CNNM4: variants seen among roughly 807,000 people sequenced by gnomAD.
CNNM4 encodes the protein metal transporter CNNM4.
Under a neutral mutation model 53.7 loss-of-function variants are expected in CNNM4, and 32 were observed. The ratio of observed to expected loss-of-function variants is 0.60; its 90% CI spans 0.45 to 0.80. CNNM4 has a LOEUF of 0.80. Ranked by LOEUF, CNNM4 falls within the 30% of genes least tolerant of loss-of-function variation. The pLI, the probability that CNNM4 is intolerant of heterozygous loss-of-function variation, is 0.00. For missense variants in CNNM4, 784 were observed against 1,022.0 expected (o/e 0.77, Z 3.17); for synonymous variants, 410 against 440.0 (o/e 0.93, Z 0.85).
At chr2:96,772,145 C>T (rs900397144) in intron 1 of CNNM4, among the ~76,000 whole-genome samples, 2 of 151,920 alleles carry the variant, frequency 1.3e-5, no homozygotes, top group African/African-American at 4.8e-5. Flanking sequence ...AGGGCCACTC[C>T]CACACATGTG....
intron 1 of CNNM4, among the ~76,000 whole-genome samples, chr2:96,776,059 C>T (rs544866435): frequency 6.7e-4 from 87 of 130,352 alleles, no homozygotes; most frequent in Admixed American, 1.9e-3. Context: ...GGTGGAGTCT[C>T]GCTCTGTTGC....
chr2:96,762,537 G>C (rs942397021), intron 1 of CNNM4, 136 bp downstream of exon 1: 3 of 863,676 alleles, frequency 3.5e-6, no homozygotes, highest in Non-Finnish European at 5.7e-6. Flanking sequence ...CTATGCTTCT[G>C]AGGTGAACGA....
chr2:96,781,720 T>G (rs1350123979), intron 1 of CNNM4, among the ~76,000 whole-genome samples: 1 of 152,180 alleles, frequency 6.6e-6, no homozygotes, highest in East Asian at 1.9e-4. Context: ...ACCACAGGAT[T>G]GAACCCAATC....
At chr2:96,771,560 A>G (rs2078869876) in intron 1 of CNNM4, among the ~76,000 whole-genome samples, 2 of 151,918 alleles carry the variant, frequency 1.3e-5, no homozygotes, top group Non-Finnish European at 2.9e-5. Flanking sequence ...CAAATACAAA[A>G]AATTTTAGCC....
In CNNM4 at chr2:96,808,465, G is replaced by A; in HGVS notation, c.1949-96G>A. 1.6e-6 allele frequency: 2 copies of A among 1,229,858 alleles called. No homozygotes were observed. Among genetic ancestry groups the A allele is most frequent in the Non-Finnish European group, 2.4e-6 (2 of 844,624 alleles). The allele number at this position is 1,229,858 out of a possible 1,614,324, so 76.2% of individuals were successfully genotyped here. On this transcript the variant is annotated intron_variant, in intron 5 of 6. Coordinates refer to ENST00000377075, the MANE Select transcript of CNNM4 (RefSeq NM_020184.4). This position sits in a 1 kb window ranked among gnomAD's most constrained non-coding sequence, Gnocchi z 4.9. ...AAGAATGACTTCCTGTTCCTGGGTG[G>A]GGTGTCCCTGGGCTTCCATGGGATG...
chr2:96,790,250 C>T (rs553829344), intron 1 of CNNM4, among the ~76,000 whole-genome samples: 3 of 152,066 alleles, frequency 2.0e-5, no homozygotes, highest in South Asian at 2.1e-4. Flanking sequence ...TCGTGATCCA[C>T]GCGCCTCGGT....
chr2:96,792,758 C>G (rs928704622), intron 1 of CNNM4, among the ~76,000 whole-genome samples: 3 of 151,796 alleles, frequency 2.0e-5, no homozygotes, highest in African/African-American at 7.3e-5. Context: ...GAGCTGAGAT[C>G]GCGCCACTGT....
intron 1 of CNNM4, among the ~76,000 whole-genome samples, chr2:96,766,494 A>G (rs1329706811): frequency 2.6e-5 from 4 of 151,464 alleles, no homozygotes; most frequent in Admixed American, 2.6e-4. Flanking sequence ...TTCCCAGGTC[A>G]CCTCTCAGTG....
At chr2:96,799,465 C>T (rs2079138518) in intron 4 of CNNM4, 87 bp from the exon 5 acceptor site, 1 of 1,271,976 alleles carries the variant, frequency 7.9e-7, no homozygotes, top group South Asian at 1.3e-5. Context: ...TCCTGCCCCA[C>T]TGTCCCTTGT....
In CNNM4 at chr2:96,810,632, C is replaced by A. The variant is rs1411392322; in HGVS notation, c.*1115C>A. On this transcript the variant is annotated 3_prime_UTR_variant, in exon 7 of 7. Coordinates refer to ENST00000377075, the MANE Select transcript of CNNM4 (RefSeq NM_020184.4). This position sits in a 1 kb window ranked among gnomAD's most constrained non-coding sequence, Gnocchi z 4.1. ...CTTCAGTCCCTCTTGGGGGTGGAGA[C>A]AAGAGGACATGTGGGAAGCCACGGA... 1 of 152,384 alleles carries A rather than the reference C, an allele frequency of 6.6e-6. No homozygotes were observed. The highest frequency in any genetic ancestry group is 1.5e-5 in the Non-Finnish European group (1 of 68,036). The allele number at this position is 152,384 out of a possible 1,614,324, so 9.4% of individuals were successfully genotyped here.
chr2:96,806,535 A>ACACACACACACACACACG lies in CNNM4; in HGVS notation c.1949-2025_1949-2024insACACACACACACACACGC, dbSNP rs374638753. On this transcript the variant is annotated intron_variant, in intron 5 of 6. Coordinates refer to ENST00000377075, the MANE Select transcript of CNNM4 (RefSeq NM_020184.4). ...CACACACACACACACACACACACACACGCGCGCGCGCGCGCGCGCCCTTAG... is the reference window on the plus strand; with the variant it reads ...CACACACACACACACACACACACACACACACACACACACACACGCGCGCGCGCGCGCGCGCGCCCTTAG... Among the ~76,000 whole-genome samples the ACACACACACACACACACG allele has an allele frequency of 1.9e-3, 238 of 123,978 alleles. 1 individual carries two copies. The highest frequency in any genetic ancestry group is 6.4e-3 in the African/African-American group (222 of 34,442). The allele number at this position is 123,978 out of a possible 152,430, so 81.3% of individuals were successfully genotyped here.
At position 96,801,545 on chromosome 2, in the gene CNNM4, CCA is replaced by C. The variant is rs564879616; in HGVS notation, c.1948+1908_1948+1909del. Among the ~76,000 whole-genome samples the C allele has an allele frequency of 1.7e-3, 246 of 142,362 alleles. No individual in the cohort carries two copies. The highest frequency in any genetic ancestry group is 3.0e-3 in the Non-Finnish European group (198 of 65,764). The allele number at this position is 142,362 out of a possible 152,430, so 93.4% of individuals were successfully genotyped here. A position where few individuals can be genotyped will look rare whatever the true frequency, so the allele number is the denominator to read the frequency against. On this transcript the variant is annotated intron_variant, in intron 5 of 6. Coordinates refer to ENST00000377075, the MANE Select transcript of CNNM4 (RefSeq NM_020184.4). The surrounding 1 kb of genome is among the most constrained non-coding windows in gnomAD (Gnocchi z 5.6). The stretch of plus-strand genomic sequence containing the variant: ...CAGAGATAGCACACACACAGAGAGA[CCA>C]CACACACACAGAGACCACACACAGA...
chr2:96,809,172 C>T, intron 6 of CNNM4, 148 bp from the exon 7 acceptor site: 1 of 1,518,310 alleles, frequency 6.6e-7, no homozygotes, highest in Non-Finnish European at 8.8e-7. Flanking sequence ...GTTCGTGCAC[C>T]TTGTTCTTTG....
At chr2:96,789,541 C>G (rs1313479749) in intron 1 of CNNM4, among the ~76,000 whole-genome samples, 1 of 152,168 alleles carries the variant, frequency 6.6e-6, no homozygotes, top group African/African-American at 2.4e-5. Flanking sequence ...AGCATGCCGC[C>G]AGGCAAAGCC....
rs1574045773 is a variant in CNNM4, at chr2:96,760,929, G to A, written c.-71G>A. On this transcript the variant is annotated 5_prime_UTR_variant, in exon 1 of 7. Transcript: ENST00000377075. ...TTGGCTCGGCGGCAGCGGAGCGGCC[G>A]GAGCTGCGGTGCGGACCGGGGCCGC... The A allele has an allele frequency of 3.5e-6, 3 of 851,362 alleles. No homozygotes were observed. The highest frequency in any genetic ancestry group is 4.2e-6 in the Non-Finnish European group (3 of 707,174). 52.7% of individuals were successfully genotyped at this position (851,362 alleles called of 1,614,324 possible). A position where few individuals can be genotyped will look rare whatever the true frequency, so the allele number is the denominator to read the frequency against.
At chr2:96,795,371 A>G (rs1313712930) in intron 1 of CNNM4, among the ~76,000 whole-genome samples, 1 of 152,204 alleles carries the variant, frequency 6.6e-6, no homozygotes, top group African/African-American at 2.4e-5. Context: ...TTTTCAATCG[A>G]GTCCAGCCAT....
chr2:96,772,552 C>T (rs1160981092), intron 1 of CNNM4, among the ~76,000 whole-genome samples: 5 of 135,996 alleles, frequency 3.7e-5, no homozygotes, highest in Admixed American at 3.0e-4. Flanking sequence ...CATGCGTGCA[C>T]ACACATACAC....
intron 1 of CNNM4, among the ~76,000 whole-genome samples, chr2:96,772,715 A>ACT: frequency 1.0e-5 from 1 of 97,298 alleles, no homozygotes; most frequent in African/African-American, 4.2e-5. Flanking sequence ...GCAGGCGCTC[A>ACT]CACACACATG....
intron 1 of CNNM4, among the ~76,000 whole-genome samples, chr2:96,792,760 C>T (rs1386377113): frequency 6.6e-6 from 1 of 151,830 alleles, no homozygotes; most frequent in Non-Finnish European, 1.5e-5. Context: ...GCTGAGATCG[C>T]GCCACTGTAC....
Sources: allele counts gnomAD v4.1 joint callset (sites outside exome capture counted in the v4.1 genomes callset), GRCh38; gene constraint gnomAD v4.1.1; non-coding constraint Gnocchi (gnomAD v3.1); transcripts MANE v1.5; gene names NCBI Gene and HGNC (gene_info 2026-07-23, HGNC 2026-07-21).